The following ANKRD36 variants were observed in gnomAD, a reference collection of about 807,000 sequenced individuals.
The protein encoded by ANKRD36 is ankyrin repeat domain 36.
Under a neutral mutation model 278.1 loss-of-function variants are expected in ANKRD36, and 179 were observed. That is an observed-to-expected ratio of 0.64 (90% confidence interval 0.57 to 0.73). The LOEUF is 0.73. Ranked by LOEUF, ANKRD36 falls within the 30% of genes least tolerant of loss-of-function variation. The probability of loss-of-function intolerance (pLI) is 0.00; values close to 1 mark genes in which losing one functional copy is unlikely to be tolerated. For missense variants in ANKRD36, 1,159 were observed against 1,956.7 expected (o/e 0.59, Z 7.69); for synonymous variants, 320 against 641.1 (o/e 0.50, Z 7.57).
intron 67 of ANKRD36, among the ~76,000 whole-genome samples, chr2:97,227,585 A>G (rs1344189480): frequency 6.6e-6 from 1 of 152,090 alleles, no homozygotes; most frequent in Admixed American, 6.5e-5. Flanking sequence ...GGACAATTTG[A>G]CTTCCTCTTT....
At chr2:97,260,499 C>T (rs2076630522) in intron 75 of ANKRD36, among the ~76,000 whole-genome samples, 1 of 134,300 alleles carries the variant, frequency 7.4e-6, no homozygotes, top group East Asian at 3.2e-4. Context: ...GTAAACCATA[C>T]TGTAAACGAT....
chr2:97,209,227 C>T (rs1242915438), intron 54 of ANKRD36, among the ~76,000 whole-genome samples: 1 of 146,504 alleles, frequency 6.8e-6, no homozygotes, highest in Non-Finnish European at 1.5e-5. Flanking sequence ...TAATTGTGTG[C>T]CTTCTCATTT....
chr2:97,198,241 T>G (rs2060348067), intron 42 of ANKRD36, among the ~76,000 whole-genome samples: 1 of 151,932 alleles, frequency 6.6e-6, no homozygotes. Flanking sequence ...ATATGACAAA[T>G]CATACCATGT....
intron 6 of ANKRD36, among the ~76,000 whole-genome samples, chr2:97,131,888 G>A (rs1193528684): frequency 6.6e-6 from 1 of 151,870 alleles, no homozygotes; most frequent in East Asian, 1.9e-4. Flanking sequence ...GAGTGCAGTG[G>A]CACGATCTCG....
At chr2:97,202,521 T>C (rs1161477559) in intron 48 of ANKRD36, 128 bp downstream of exon 48, 13 of 1,418,512 alleles carry the variant, frequency 9.2e-6, no homozygotes, top group South Asian at 1.4e-5. Flanking sequence ...GATTCTTCAT[T>C]TGTAGTAAGT....
chr2:97,120,735 T>C (rs1195191476), intron 3 of ANKRD36, among the ~76,000 whole-genome samples: 6 of 152,116 alleles, frequency 3.9e-5, no homozygotes, highest in Non-Finnish European at 7.3e-5. Context: ...AAAATACTTG[T>C]GTTACATACA....
Position 97,217,361 on chromosome 2 carries a change from A to T in ANKRD36, c.3764A>T (p.Lys1255Ile). The T allele has an allele frequency of 6.5e-7, 1 of 1,550,064 alleles. No homozygotes were observed. The change falls in exon 64 of 76, where the codon AAA becomes ATA. Residue 1255 changes from lysine (K) to isoleucine (I), a missense_variant. Physicochemically the swap from Lys to Ile is moderately radical, Grantham distance 102. Coordinates refer to ENST00000420699, the MANE Select transcript of ANKRD36 (RefSeq NM_001354587.1). Reference sequence around the variant, plus strand: ...GCCACAAGAATAACAGGCGGTTGGAAATCTGGAACAGGTAATTTAGCAATA... The same window carrying T: ...GCCACAAGAATAACAGGCGGTTGGATATCTGGAACAGGTAATTTAGCAATA... ...NIATRITGGW[K>I]SGTEYPENLP...
chr2:97,248,102 A>C (rs1242724749), intron 72 of ANKRD36: 1 of 149,420 alleles, frequency 6.7e-6, no homozygotes, highest in Non-Finnish European at 1.4e-5. Flanking sequence ...ACCTGTGTAT[A>C]CTTATTTCTT....
In ANKRD36 at chr2:97,244,172, C is replaced by G. The variant is rs554318567; in HGVS notation, c.4491+143C>G. On this transcript the variant is annotated intron_variant, in intron 70 of 75. Transcript: ENST00000420699. The stretch of plus-strand genomic sequence containing the variant: ...TAAAAATGAATCATGGCATTTATAG[C>G]TATAATTATTTATAATAAACCTTGA... 58 of 1,123,028 alleles carry G rather than the reference C, an allele frequency of 5.2e-5. 3 individuals are homozygous for G. The South Asian group carries it at 1.0e-3, about 20-fold the overall frequency. The allele number at this position is 1,123,028 out of a possible 1,614,324, so 69.6% of individuals were successfully genotyped here. A position where few individuals can be genotyped will look rare whatever the true frequency, so the allele number is the denominator to read the frequency against.
intron 30 of ANKRD36, among the ~76,000 whole-genome samples, chr2:97,186,035 A>G (rs1344381036): frequency 6.6e-6 from 1 of 151,792 alleles, no homozygotes; most frequent in East Asian, 1.9e-4. Flanking sequence ...TCTGCTGAGG[A>G]AACCTGAGTG....
At chr2:97,211,215 C>G (rs188850141) in intron 56 of ANKRD36, among the ~76,000 whole-genome samples, 9 of 151,880 alleles carry the variant, frequency 5.9e-5, no homozygotes, top group Non-Finnish European at 8.8e-5. Flanking sequence ...GACATTGATT[C>G]TCAGGTGTAT....
At chr2:97,209,979 A>T (rs1558812557) in intron 56 of ANKRD36, 107 bp downstream of exon 56, 4 of 1,439,660 alleles carry the variant, frequency 2.8e-6, no homozygotes, top group Non-Finnish European at 2.8e-6. Flanking sequence ...ATTCTGATTC[A>T]GCAGTCCTGA....
intron 6 of ANKRD36, among the ~76,000 whole-genome samples, chr2:97,139,023 A>AT (rs1374256521): frequency 1.3e-5 from 2 of 152,074 alleles, no homozygotes; most frequent in Non-Finnish European, 2.9e-5. Flanking sequence ...GCATGGGCAA[A>AT]TACTTCATGA....
At chr2:97,261,345 C>T (rs1313212253) in intron 75 of ANKRD36, among the ~76,000 whole-genome samples, 114 of 130,768 alleles carry the variant, frequency 8.7e-4, no homozygotes, top group Non-Finnish European at 9.1e-5. Flanking sequence ...AGTCTTATGT[C>T]GGGTTCAACC....
chr2:97,211,430 C>T (rs1405148915), intron 56 of ANKRD36, 116 bp from the exon 57 acceptor site: 2 of 1,475,068 alleles, frequency 1.4e-6, no homozygotes, highest in Non-Finnish European at 1.8e-6. Flanking sequence ...TAGAAGCCGT[C>T]AAGGCCTACA....
intron 58 of ANKRD36, chr2:97,213,142 T>G: frequency 2.7e-6 from 1 of 365,084 alleles, no homozygotes; most frequent in Non-Finnish European, 5.0e-6. Flanking sequence ...CCTCATCACT[T>G]GGCATATCCA....
At chr2:97,216,958 A>C (rs2066094966) in intron 62 of ANKRD36, 3 of 1,136,170 alleles carry the variant, frequency 2.6e-6, no homozygotes, top group South Asian at 2.9e-5. Flanking sequence ...ATGACAAATC[A>C]TACCATGCTT....
intron 22 of ANKRD36, among the ~76,000 whole-genome samples, chr2:97,172,828 T>C (rs966072399): frequency 7.9e-6 from 1 of 126,260 alleles, no homozygotes; most frequent in African/African-American, 2.8e-5. Flanking sequence ...TTTTTGTGTG[T>C]GAATGTGTGT....
chr2:97,139,353 C>T (rs1169079010), intron 6 of ANKRD36, among the ~76,000 whole-genome samples: 1 of 151,970 alleles, frequency 6.6e-6, no homozygotes, highest in African/African-American at 2.4e-5. Flanking sequence ...CCTCTTACAA[C>T]ATATGTGCAT....
Sources: allele counts gnomAD v4.1 joint callset (sites outside exome capture counted in the v4.1 genomes callset), GRCh38; gene constraint gnomAD v4.1.1; transcripts MANE v1.5; gene names NCBI Gene and HGNC (gene_info 2026-07-23, HGNC 2026-07-21).